RHOBTB1: variants seen among roughly 807,000 people sequenced by gnomAD.
The protein encoded by RHOBTB1 is Rho related BTB domain containing 1.
In RHOBTB1, 40 loss-of-function variants were observed where a neutral mutation model predicts 71.6. The observed-to-expected ratio is 0.56, with a 90% CI of 0.43 to 0.73. The LOEUF is 0.73. Ranked by LOEUF, RHOBTB1 falls within the 30% of genes least tolerant of loss-of-function variation. The pLI is 0.00. For missense variants in RHOBTB1, 797 were observed against 894.0 expected (o/e 0.89, Z 1.38); for synonymous variants, 319 against 334.9 (o/e 0.95, Z 0.52).
chr10:60,886,387 C>T (rs2081577014), intron 6 of RHOBTB1, among the ~76,000 whole-genome samples, 157 bp from the exon 7 acceptor site: 1 of 152,150 alleles, frequency 6.6e-6, no homozygotes, highest in Non-Finnish European at 1.5e-5. Context: ...TGAGCTTTGA[C>T]ACACCCAGCT....
intron 2 of RHOBTB1, among the ~76,000 whole-genome samples, chr10:60,978,192 CT>C (rs1267349913): frequency 6.6e-6 from 1 of 152,030 alleles, no homozygotes; most frequent in Non-Finnish European, 1.5e-5. Context: ...TGAGCTGAGG[CT>C]TTTTATTTAA....
Position 60,929,348 on chromosome 10 carries a change from G to C in RHOBTB1, c.-11+12456C>G, listed in dbSNP as rs372346886. ...AAAAAACAGATTCTTGAAAGAAAAA[G>C]GACATAATAATACATTTCTGACTTG... On this transcript the variant is annotated intron_variant, in intron 2 of 10. Coordinates refer to ENST00000337910, the MANE Select transcript of RHOBTB1 (RefSeq NM_014836.5). Among the ~76,000 whole-genome samples, 63 of 152,070 alleles carry C rather than the reference G, an allele frequency of 4.1e-4. No homozygotes were observed. The East Asian group carries it at 0.012, about 29-fold the overall frequency.
At chr10:60,948,854 T>C (rs548842942), upstream of RHOBTB1, among the ~76,000 whole-genome samples, 5 of 152,344 alleles carry the variant, frequency 3.3e-5, no homozygotes, top group East Asian at 9.7e-4. Context: ...TTTATACTGC[T>C]CATGCTTATG....
chr10:60,948,490 C>T (rs1461955099), upstream of RHOBTB1, among the ~76,000 whole-genome samples: 1 of 152,180 alleles, frequency 6.6e-6, no homozygotes, highest in Non-Finnish European at 1.5e-5. Context: ...GGGGCCAATG[C>T]AGCTGGTCAC....
At chr10:60,991,072 T>A (rs1382775807) in intron 1 of RHOBTB1, among the ~76,000 whole-genome samples, 2 of 152,222 alleles carry the variant, frequency 1.3e-5, no homozygotes, top group Non-Finnish European at 2.9e-5. Flanking sequence ...TCCATTCACC[T>A]TTTGGAAGTC....
chr10:60,951,879 A>G lies in RHOBTB1; in HGVS notation c.-61-10025T>C, dbSNP rs185446511. 4.5e-4 allele frequency among the ~76,000 whole-genome samples: 68 copies of G among 151,904 alleles called. 1 individual carries two copies. The highest frequency in any genetic ancestry group is 6.5e-4 in the Admixed American group (10 of 15,270). On this transcript the variant is annotated intron_variant, in intron 2 of 11. Transcript: ENST00000357917. ...TGAGACCAGCCTGGTCAACATGATG[A>G]AACCCCGTCTCTACTAAAAATACAA...
intron 2 of RHOBTB1, among the ~76,000 whole-genome samples, chr10:60,934,797 T>G (rs2084475054): frequency 6.6e-6 from 1 of 152,178 alleles, no homozygotes; most frequent in Admixed American, 6.5e-5. Context: ...GATATCTTGA[T>G]GAAACGGAGA....
chr10:60,891,027 T>C (rs1473924088), intron 5 of RHOBTB1, among the ~76,000 whole-genome samples: 1 of 152,236 alleles, frequency 6.6e-6, no homozygotes, highest in Non-Finnish European at 1.5e-5. Context: ...TATCATAACC[T>C]ATTTTTATAC....
rs771483560 is a variant in RHOBTB1 at position 60,888,549 on chromosome 10, T to A, written c.1119A>T (p.Gly373=). 3.8e-5 allele frequency: 62 copies of A among 1,614,018 alleles called. No individual in the cohort carries two copies. Among genetic ancestry groups the A allele is most frequent in the Non-Finnish European group, 5.0e-5 (59 of 1,180,020 alleles). The change falls in exon 6 of 11, where the codon GGA becomes GGT. Residue 373 remains glycine (G), a synonymous_variant. Coordinates refer to ENST00000337910, the MANE Select transcript of RHOBTB1 (RefSeq NM_014836.5). ...GCATGCCAATGAACCCCTTACTCCA[T>A]CCGGTCAAAGTCTGTGTCTCAGGAA... ...GAVPETQTLT[G]WSKGFIGMHR... is the part of the protein sequence containing the mutation.
At chr10:60,894,493 T>C (rs2082070133) in intron 4 of RHOBTB1, among the ~76,000 whole-genome samples, 2 of 152,212 alleles carry the variant, frequency 1.3e-5, no homozygotes, top group Non-Finnish European at 2.9e-5. Context: ...GGGATTCTGA[T>C]TTACTTAGTG....
intron 2 of RHOBTB1, among the ~76,000 whole-genome samples, chr10:60,929,868 A>T (rs2084129704): frequency 6.6e-6 from 1 of 152,190 alleles, no homozygotes; most frequent in African/African-American, 2.4e-5. Flanking sequence ...AGGCTAAATT[A>T]ATAAATATCC....
chr10:60,919,303 A>T (rs1461760419), intron 2 of RHOBTB1, among the ~76,000 whole-genome samples: 2 of 150,616 alleles, frequency 1.3e-5, no homozygotes, highest in African/African-American at 4.9e-5. Flanking sequence ...GCCCTGAAAT[A>T]AAAAACTGAC....
chr10:60,867,138 C>G (rs1312614450), downstream of RHOBTB1, among the ~76,000 whole-genome samples: 1 of 152,174 alleles, frequency 6.6e-6, no homozygotes. Flanking sequence ...TTCCCATTTT[C>G]TAGATGACTA....
chr10:60,880,585 G>A (rs2081286313), intron 7 of RHOBTB1, among the ~76,000 whole-genome samples: 2 of 152,008 alleles, frequency 1.3e-5, no homozygotes, highest in East Asian at 1.9e-4. Flanking sequence ...TACCATAAAC[G>A]ATTTGACAAG....
At chr10:60,944,848 G>C (rs921298350), upstream of RHOBTB1, among the ~76,000 whole-genome samples, 2 of 152,152 alleles carry the variant, frequency 1.3e-5, no homozygotes, top group African/African-American at 2.4e-5. Flanking sequence ...TTGGCGGGAG[G>C]GGTCCCCCCA....
chr10:60,888,089 C>T, intron 6 of RHOBTB1, 123 bp downstream of exon 6: 3 of 1,110,962 alleles, frequency 2.7e-6, no homozygotes, highest in Non-Finnish European at 3.8e-6. Context: ...TAGAAAGGTA[C>T]ATGGGAAAAA....
At chr10:61,000,362 T>C (rs747467849) in intron 1 of RHOBTB1, among the ~76,000 whole-genome samples, 80 of 151,928 alleles carry the variant, frequency 5.3e-4, no homozygotes, top group Non-Finnish European at 9.1e-4. Context: ...AAAAAATATA[T>C]ATTTTGGGTT....
At position 60,911,350 on chromosome 10, in the gene RHOBTB1, C is replaced by T. The variant is rs1451620520; in HGVS notation, c.192+1G>A. 6.2e-7 allele frequency: 1 copy of T among 1,606,958 alleles called. No homozygotes were observed. The highest frequency in any genetic ancestry group is 8.5e-7 in the Non-Finnish European group (1 of 1,174,126). The stretch of plus-strand genomic sequence containing the variant: ...TGCTGAAGACACTCTGTGCATCTTA[C>T]CTCCTGGCACACGCGGTACTGGTCA... On this transcript the variant is annotated splice_donor_variant, in intron 3 of 10. Coordinates refer to ENST00000337910, the MANE Select transcript of RHOBTB1 (RefSeq NM_014836.5). LOFTEE classifies it high-confidence loss of function.
At chr10:60,939,246 C>G (rs557284154) in intron 2 of RHOBTB1, among the ~76,000 whole-genome samples, 11 of 152,204 alleles carry the variant, frequency 7.2e-5, no homozygotes, top group Admixed American at 7.2e-4. Context: ...CCTGGGACAT[C>G]TGGAAAAAGT....
Sources: gnomAD v4.1 joint callset for allele counts (sites outside exome capture counted in the v4.1 genomes callset) on GRCh38, gnomAD v4.1.1 for gene constraint, MANE v1.5 for transcripts, NCBI Gene and HGNC (gene_info 2026-07-23, HGNC 2026-07-21) for gene names.